ANKEF1: variants seen among roughly 807,000 people sequenced by gnomAD.
ANKEF1 encodes the protein ankyrin repeat and EF-hand domain-containing protein 1.
ANKEF1 carries 43 observed loss-of-function variants against 65.1 expected under a neutral mutation model. The ratio of observed to expected loss-of-function variants is 0.66; its 90% CI spans 0.52 to 0.85. ANKEF1 has a LOEUF of 0.85. Ranked by LOEUF, ANKEF1 falls within the 40% of genes least tolerant of loss-of-function variation. ANKEF1 has a pLI of 0.00. For synonymous variants in ANKEF1, 316 were observed against 341.5 expected (o/e 0.93, Z 0.82); for missense variants, 934 against 952.9 (o/e 0.98, Z 0.26).
rs1555773774 is a variant in ANKEF1, at chr20:10,056,496, T to TAGATGATA, written c.*836_*837insAGATGATA. On this transcript the variant is annotated 3_prime_UTR_variant, in exon 11 of 11. Coordinates refer to ENST00000378392, the MANE Select transcript of ANKEF1 (RefSeq NM_022096.6). ...GATAGATGATAGATAGATAGATAGA[T>TAGATGATA]GATAGATAGATAGATAGATAGATAG... 152 of 143,800 alleles carry TAGATGATA rather than the reference T, an allele frequency of 1.1e-3. No individual in the cohort carries two copies. Among genetic ancestry groups the TAGATGATA allele is most frequent in the African/African-American group, 3.4e-3 (130 of 38,120 alleles). 8.9% of individuals were successfully genotyped at this position (143,800 alleles called of 1,614,324 possible).
intron 2 of ANKEF1, among the ~76,000 whole-genome samples, chr20:10,037,839 A>AAC (rs903117196): frequency 3.3e-4 from 51 of 152,332 alleles, no homozygotes; most frequent in Admixed American, 2.1e-3. Context: ...GTTTATAATG[A>AAC]ACACCTCAAA....
At chr20:10,049,316 A>G in intron 6 of ANKEF1, 74 bp from the exon 7 acceptor site, 2 of 1,346,378 alleles carry the variant, frequency 1.5e-6, no homozygotes, top group South Asian at 1.4e-5. Flanking sequence ...TTAAGAAAAC[A>G]GTTGGATGAG....
At chr20:10,051,629 T>C in intron 7 of ANKEF1, 34 bp from the exon 8 acceptor site, 1 of 1,527,926 alleles carries the variant, frequency 6.5e-7, no homozygotes, top group Non-Finnish European at 9.0e-7. Flanking sequence ...TGGAAAACCG[T>C]ATTTTTAGTT....
intron 3 of ANKEF1, among the ~76,000 whole-genome samples, chr20:10,041,120 A>T (rs1035921743): frequency 6.6e-6 from 1 of 151,872 alleles, no homozygotes; most frequent in Non-Finnish European, 1.5e-5. Context: ...GGTTTCAGAA[A>T]CATCATTTAT....
chr20:10,046,171 G>A (rs1984517173), intron 6 of ANKEF1, among the ~76,000 whole-genome samples: 1 of 152,150 alleles, frequency 6.6e-6, no homozygotes, highest in Non-Finnish European at 1.5e-5. Context: ...TTACTTGGGA[G>A]GCTAAGGCAC....
At chr20:10,055,088 A>C (rs1985069071) in intron 10 of ANKEF1, among the ~76,000 whole-genome samples, 1 of 152,190 alleles carries the variant, frequency 6.6e-6, no homozygotes, top group African/African-American at 2.4e-5. Flanking sequence ...ACCAGGCTGA[A>C]CAAGCAGCTC....
intron 6 of ANKEF1, among the ~76,000 whole-genome samples, chr20:10,048,346 T>G (rs932827871): frequency 1.3e-5 from 2 of 152,080 alleles, no homozygotes; most frequent in Admixed American, 6.6e-5. Context: ...AGGAATACCA[T>G]GCTTAATAAT....
intron 7 of ANKEF1, among the ~76,000 whole-genome samples, chr20:10,050,723 T>C (rs1406489347): frequency 2.0e-5 from 3 of 152,308 alleles, no homozygotes; most frequent in African/African-American, 7.2e-5. Flanking sequence ...TTACTGGCCT[T>C]CTATCAGTGG....
At position 10,049,627 on chromosome 20, in the gene ANKEF1, G is replaced by T; in HGVS notation, c.1058G>T (p.Ser353Ile). The change falls in exon 7 of 11, where the codon AGC (serine) becomes ATC (isoleucine). Residue 353 changes from serine to isoleucine, a missense_variant. Transcript: ENST00000378392. ...GCGGTTTTAGACAGGGGTGATGGAA[G>T]CATCAGCAAGAACGACTTCGTGATG... ...AFAVLDRGDG[S>I]ISKNDFVMVL... 6.2e-7 allele frequency: 1 copy of T among 1,614,130 alleles called. No homozygotes were observed. The highest frequency in any genetic ancestry group is 8.5e-7 in the Non-Finnish European group (1 of 1,180,016).
At chr20:10,050,264 A>G in intron 7 of ANKEF1, 52 bp downstream of exon 7, 1 of 1,434,840 alleles carries the variant, frequency 7.0e-7, no homozygotes, top group Non-Finnish European at 9.4e-7. Flanking sequence ...TTCACATTTC[A>G]AGGAAGTGAA....
chr20:10,041,930 A>G (rs1040302173), intron 3 of ANKEF1, among the ~76,000 whole-genome samples: 13 of 152,196 alleles, frequency 8.5e-5, no homozygotes, highest in African/African-American at 3.1e-4. Flanking sequence ...TTGATTGGGT[A>G]TAAAAGTTTC....
At chr20:10,041,486 A>G (rs138799501) in intron 3 of ANKEF1, among the ~76,000 whole-genome samples, 1 of 151,572 alleles carries the variant, frequency 6.6e-6, no homozygotes, top group East Asian at 1.9e-4. Flanking sequence ...CCCTTCTACC[A>G]CTCAATTTTA....
chr20:10,038,235 A>G, intron 2 of ANKEF1, 23 bp from the exon 3 acceptor site: 1 of 1,037,312 alleles, frequency 9.6e-7, no homozygotes. Context: ...ACTTTGAGTT[A>G]TTTTTCTTTT....
intron 10 of ANKEF1, among the ~76,000 whole-genome samples, 164 bp downstream of exon 10, chr20:10,054,763 G>T (rs928025387): frequency 6.6e-6 from 1 of 152,114 alleles, no homozygotes; most frequent in African/African-American, 2.4e-5. Context: ...AACTCAGTAT[G>T]CCCAAGTGAT....
rs1357089050 is a variant in ANKEF1, at chr20:10,058,174, T to TAA, written c.*2515_*2516dup. The TAA allele has an allele frequency of 6.6e-6, 1 of 152,198 alleles. No individual in the cohort carries two copies. The highest frequency in any genetic ancestry group is 6.5e-5 in the Admixed American group (1 of 15,278). 9.4% of individuals were successfully genotyped at this position (152,198 alleles called of 1,614,324 possible). A position where few individuals can be genotyped will look rare whatever the true frequency, so the allele number is the denominator to read the frequency against. ...GTAATAAATCATAACTGCATAAAAT[T>TAA]AACTGTAGTACATACTGTACAACTG... is the stretch of plus-strand genomic sequence containing the variant. On this transcript the variant is annotated 3_prime_UTR_variant, in exon 11 of 11. Coordinates refer to ENST00000378392, the MANE Select transcript of ANKEF1 (RefSeq NM_022096.6).
Position 10,045,704 on chromosome 20 carries a change from T to C in ANKEF1, c.820+7T>C. On this transcript the variant is annotated splice_region_variant and intron_variant, in intron 6 of 10. Transcript: ENST00000378392. ...AAATATATAGCTCAGCGAGGTAAAA[T>C]TGTCTAGCAATTTTGTGCTTCAAGT... is the stretch of plus-strand genomic sequence containing the variant. 6.2e-7 allele frequency: 1 copy of C among 1,613,340 alleles called. No individual in the cohort carries two copies. Among genetic ancestry groups the C allele is most frequent in the Non-Finnish European group, 8.5e-7 (1 of 1,179,532 alleles).
intron 8 of ANKEF1, among the ~76,000 whole-genome samples, chr20:10,052,522 GT>G (rs1331727639): frequency 6.6e-6 from 1 of 152,158 alleles, no homozygotes; most frequent in African/African-American, 2.4e-5. Context: ...TGAGCTCCTT[GT>G]TTGGAAGTAC....
intron 8 of ANKEF1, among the ~76,000 whole-genome samples, chr20:10,052,502 T>C (rs1011577373): frequency 1.3e-5 from 2 of 152,192 alleles, no homozygotes; most frequent in African/African-American, 4.8e-5. Flanking sequence ...AAAAATCATT[T>C]GAATATATTT....
chr20:10,050,233 T>C, intron 7 of ANKEF1, 21 bp downstream of exon 7: 1 of 1,553,418 alleles, frequency 6.4e-7, no homozygotes, highest in South Asian at 1.2e-5. Context: ...CCGTCGGGTG[T>C]GGCCTAAATT....
Sources: gnomAD v4.1 joint callset for allele counts (sites outside exome capture counted in the v4.1 genomes callset) on GRCh38, gnomAD v4.1.1 for gene constraint, MANE v1.5 for transcripts, NCBI Gene and HGNC (gene_info 2026-07-23, HGNC 2026-07-21) for gene names.